The following OGDH variants were observed in gnomAD, a reference collection of about 807,000 sequenced individuals.
The protein encoded by OGDH is oxoglutarate dehydrogenase.
OGDH carries 38 observed loss-of-function variants against 116.6 expected under a neutral mutation model. The ratio of observed to expected loss-of-function variants is 0.33; its 90% CI spans 0.25 to 0.43. OGDH has a LOEUF of 0.43. OGDH is among the 20% of genes least tolerant of loss of function. The pLI is 1.00. For synonymous variants in OGDH, 488 were observed against 533.3 expected, an observed-to-expected ratio of 0.92 and a Z score of 1.17; for missense variants, 825 against 1,357.2, an observed-to-expected ratio of 0.61 and a Z score of 6.16.
chr7:44,707,676 G>A lies in OGDH; in HGVS notation c.2891G>A (p.Gly964Asp). The change falls in exon 22 of 23, where the codon GGC (glycine) becomes GAC (aspartate). Residue 964 changes from glycine to aspartate, a missense_variant. Coordinates refer to ENST00000222673, the MANE Select transcript of OGDH (RefSeq NM_002541.4). This position sits in a 1 kb window ranked among gnomAD's most constrained non-coding sequence, Gnocchi z 5.2. ...TGCCAGGAGGAGCACAAGAACCAAG[G>A]CTACTATGACTACGTGAAGCCAAGA... ...AWCQEEHKNQGYYDYVKPRLR... is the reference protein window; with the variant it reads ...AWCQEEHKNQDYYDYVKPRLR... 1.2e-6 allele frequency: 2 copies of A among 1,614,212 alleles called. No individual in the cohort carries two copies. The highest frequency in any genetic ancestry group is 1.7e-6 in the Non-Finnish European group (2 of 1,180,048).
At chr7:44,631,098 GT>G (rs1785421664) in intron 2 of OGDH, among the ~76,000 whole-genome samples, 1 of 152,064 alleles carries the variant, frequency 6.6e-6, no homozygotes, top group African/African-American at 2.4e-5. Flanking sequence ...GGGATCCCTG[GT>G]TTAGAGAATA....
At position 44,613,606 on chromosome 7, in the gene OGDH, G is replaced by A. The variant is rs537727316; in HGVS notation, c.-28+6953G>A. Reference sequence around the variant, plus strand: ...AATCTCCTGGCCTCGTGATCCACCCGTCTCGGCCTCCCAAAGTGCTGGGAT... The same window carrying A: ...AATCTCCTGGCCTCGTGATCCACCCATCTCGGCCTCCCAAAGTGCTGGGAT... On this transcript the variant is annotated intron_variant, in intron 1 of 22. Transcript: ENST00000222673. Among the ~76,000 whole-genome samples, 18 of 151,960 alleles carry A rather than the reference G, an allele frequency of 1.2e-4. No individual in the cohort carries two copies. In the South Asian group the frequency reaches 1.5e-3, roughly 12 times the overall value.
rs1198239033 is a variant in OGDH, at chr7:44,676,612, GTGTATA to G, written c.1206+465_1206+470del. 1.3e-3 allele frequency: 147 copies of G among 111,488 alleles called. 2 individuals carry two copies. In the East Asian group the frequency reaches 0.02, roughly 15 times the overall value. 6.9% of individuals were successfully genotyped at this position (111,488 alleles called of 1,614,324 possible). A position where few individuals can be genotyped will look rare whatever the true frequency, so the allele number is the denominator to read the frequency against. On this transcript the variant is annotated intron_variant, in intron 9 of 22. Transcript: ENST00000222673. ...TGTATATGTATGTATGTGTGTGTGT[GTGTATA>G]TATATATATATATATATATATATTT...
At chr7:44,681,368 G>A (rs1033737816) in intron 9 of OGDH, among the ~76,000 whole-genome samples, 3 of 152,232 alleles carry the variant, frequency 2.0e-5, no homozygotes, top group African/African-American at 7.2e-5. Context: ...CCTGGCAAGT[G>A]ATGCTGCCCT....
intron 1 of OGDH, among the ~76,000 whole-genome samples, chr7:44,616,808 C>T (rs201708950): frequency 5.1e-5 from 7 of 136,078 alleles, no homozygotes; most frequent in African/African-American, 1.7e-4. Context: ...TATATATATG[C>T]ATATATACGT....
In OGDH at chr7:44,630,327, A is replaced by G. The variant is rs111940450; in HGVS notation, c.222+5762A>G. On this transcript the variant is annotated intron_variant, in intron 2 of 22. Transcript: ENST00000222673. ...GGTGAAGGGGCTTCCCACAGTGGGT[A>G]TGTGGAAGTCTGATGGAAGTCTGAT... 2.5e-3 allele frequency among the ~76,000 whole-genome samples: 383 copies of G among 152,266 alleles called. 1 individual carries two copies. The highest frequency in any genetic ancestry group is 8.2e-3 in the African/African-American group (339 of 41,568).
In OGDH at chr7:44,707,692, G is replaced by A; in HGVS notation, c.2907G>A (p.Val969=). 1 of 1,614,218 alleles carries A rather than the reference G, an allele frequency of 6.2e-7. No homozygotes were observed. The highest frequency in any genetic ancestry group is 1.6e-4 in the Middle Eastern group (1 of 6,062). Residue 969 remains valine, a synonymous_variant, in exon 22 of 23, where the codon GTG becomes GTA. Coordinates refer to ENST00000222673, the MANE Select transcript of OGDH (RefSeq NM_002541.4). The surrounding 1 kb of genome is among the most constrained non-coding windows in gnomAD (Gnocchi z 5.2). ...AGAACCAAGGCTACTATGACTACGT[G>A]AAGCCAAGACTTCGGACCACCATCA... is the stretch of plus-strand genomic sequence containing the variant. ...EHKNQGYYDY[V]KPRLRTTISR...
chr7:44,645,263 G>A lies in OGDH; in HGVS notation c.223-64G>A, dbSNP rs1158831668. On this transcript the variant is annotated intron_variant, in intron 2 of 22. Coordinates refer to ENST00000222673, the MANE Select transcript of OGDH (RefSeq NM_002541.4). ...TTGCCTGCAGAGAGCAGTTCTCTGT[G>A]GCCACAGATGCATCCTGGACTTAGG... 9.6e-6 allele frequency: 14 copies of A among 1,460,606 alleles called. No individual in the cohort carries two copies. In the Admixed American group the frequency reaches 1.1e-4, roughly 11 times the overall value. 90.5% of individuals were successfully genotyped at this position (1,460,606 alleles called of 1,614,324 possible). A position where few individuals can be genotyped will look rare whatever the true frequency, so the allele number is the denominator to read the frequency against.
chr7:44,700,654 C>T (rs771811762), intron 19 of OGDH, among the ~76,000 whole-genome samples: 1 of 152,112 alleles, frequency 6.6e-6, no homozygotes, highest in Non-Finnish European at 1.5e-5. Context: ...GGGAGCGGCT[C>T]CTGAGCTGGG....
intron 4 of OGDH, among the ~76,000 whole-genome samples, chr7:44,654,612 C>T (rs918827100): frequency 6.6e-6 from 1 of 152,102 alleles, no homozygotes; most frequent in African/African-American, 2.4e-5. Flanking sequence ...GAGCTGGAGA[C>T]GAGGTTTCCT....
intron 2 of OGDH, 49 bp downstream of exon 2, chr7:44,624,614 GT>G: frequency 4.6e-6 from 7 of 1,518,824 alleles, no homozygotes; most frequent in Non-Finnish European, 6.4e-6. Context: ...GTGTTGGCCT[GT>G]TCCTGACTGG....
rs1414883628 is a variant in OGDH, at chr7:44,617,025, G to A, written c.-27-7292G>A. Among the ~76,000 whole-genome samples the A allele has an allele frequency of 2.7e-5, 4 of 146,552 alleles. No homozygotes were observed. The South Asian group carries it at 6.5e-4, about 24-fold the overall frequency. ...TCTCGGCTCACAGTAACCACCTCCC[G>A]GGTTCAAGCAATTCTCCTGCCTCAG... is the stretch of plus-strand genomic sequence containing the variant. On this transcript the variant is annotated intron_variant, in intron 1 of 22. Transcript: ENST00000222673.
chr7:44,624,711 C>T (rs1289086540), intron 2 of OGDH, 146 bp downstream of exon 2: 1 of 689,174 alleles, frequency 1.5e-6, no homozygotes, highest in African/African-American at 1.8e-5. Context: ...CTGTATCGGA[C>T]CCAGCATAGC....
At chr7:44,657,016 A>G (rs1441436788) in intron 4 of OGDH, among the ~76,000 whole-genome samples, 1 of 152,092 alleles carries the variant, frequency 6.6e-6, no homozygotes, top group African/African-American at 2.4e-5. Flanking sequence ...TCCTTCTAAT[A>G]TCTGTGAAAC....
At chr7:44,649,583 C>T (rs1025651677) in intron 4 of OGDH, among the ~76,000 whole-genome samples, 6 of 152,128 alleles carry the variant, frequency 3.9e-5, no homozygotes, top group Admixed American at 6.5e-5. Flanking sequence ...TGACTTCTCC[C>T]TCTCCTTCCA....
In OGDH at chr7:44,684,584, A is replaced by G. The variant is rs183454959; in HGVS notation, c.1335+2736A>G. On this transcript the variant is annotated intron_variant, in intron 10 of 22. Transcript: ENST00000222673. ...TATTAACTTAATTTGTAGGGTAGTT[A>G]CCCATGCAGTGAGTGGTACTATTCC... 2.0e-5 allele frequency among the ~76,000 whole-genome samples: 3 copies of G among 152,280 alleles called. No individual in the cohort carries two copies. In the East Asian group the frequency reaches 5.8e-4, roughly 29 times the overall value.
chr7:44,696,289 T>C, intron 13 of OGDH, 140 bp from the exon 14 acceptor site: 14 of 1,156,722 alleles, frequency 1.2e-5, no homozygotes, highest in Non-Finnish European at 1.6e-5. Context: ...CCCAGACCCC[T>C]GCATTAATGT....
intron 5 of OGDH, among the ~76,000 whole-genome samples, chr7:44,669,761 T>A (rs1188331854): frequency 1.3e-5 from 2 of 149,152 alleles, no homozygotes; most frequent in African/African-American, 5.0e-5. Context: ...TACCCAGGAG[T>A]CTAAGGCTGT....
intron 10 of OGDH, among the ~76,000 whole-genome samples, chr7:44,688,064 G>T (rs1788208076): frequency 6.6e-6 from 1 of 151,870 alleles, no homozygotes; most frequent in African/African-American, 2.4e-5. Flanking sequence ...TCTACTTTTG[G>T]GCTATTATAA....
Sources: allele counts gnomAD v4.1 joint callset (sites outside exome capture counted in the v4.1 genomes callset), GRCh38; gene constraint gnomAD v4.1.1; non-coding constraint Gnocchi (gnomAD v3.1); transcripts MANE v1.5; gene names NCBI Gene and HGNC (gene_info 2026-07-23, HGNC 2026-07-21).